The following UQCC1 variants were observed in gnomAD, a reference collection of about 807,000 sequenced individuals.
UQCC1 encodes the protein ubiquinol-cytochrome c reductase complex assembly factor 1, also known as bFGF-repressed Zic-binding protein.
A neutral mutation model predicts 48.0 loss-of-function variants in UQCC1; 38 were observed. That is an observed-to-expected ratio of 0.79 (90% confidence interval 0.61 to 1.04). The LOEUF (loss-of-function observed/expected upper bound fraction) is 1.04. UQCC1 is among the 50% of genes least tolerant of loss of function. The pLI is 0.00. For missense variants in UQCC1, 368 were observed against 381.8 expected, an observed-to-expected ratio of 0.96 and a Z score of 0.30; for synonymous variants, 111 against 129.2, an observed-to-expected ratio of 0.86 and a Z score of 0.95.
intron 1 of UQCC1, among the ~76,000 whole-genome samples, chr20:35,410,716 A>AAAAAAAAAAAAC (rs1370852913): frequency 9.2e-6 from 1 of 108,728 alleles, no homozygotes; most frequent in Non-Finnish European, 1.8e-5. Flanking sequence ...AAAAAAAAAA[A>AAAAAAAAAAAAC]AAAAAAAACA....
intron 4 of UQCC1, among the ~76,000 whole-genome samples, chr20:35,376,906 C>T (rs1007698697): frequency 2.6e-5 from 4 of 151,098 alleles, no homozygotes; most frequent in Non-Finnish European, 4.4e-5. Context: ...GAGCTGAGTG[C>T]GCCACTGCAC....
chr20:35,350,393 T>C (rs185499671), intron 6 of UQCC1, among the ~76,000 whole-genome samples: 3 of 152,292 alleles, frequency 2.0e-5, no homozygotes, highest in African/African-American at 7.2e-5. Flanking sequence ...AACTCGGGTA[T>C]CTGACAGAAG....
chr20:35,387,217 C>T (rs930735072), intron 2 of UQCC1, among the ~76,000 whole-genome samples: 2 of 151,882 alleles, frequency 1.3e-5, no homozygotes, highest in South Asian at 4.2e-4. Flanking sequence ...ACCCAGAAGG[C>T]GGAGGTTACA....
chr20:35,309,760 G>A (rs1172060869), intron 8 of UQCC1, among the ~76,000 whole-genome samples: 3 of 152,206 alleles, frequency 2.0e-5, no homozygotes, highest in African/African-American at 7.2e-5. Context: ...TTCTGATTAA[G>A]GGTTTAAAGT....
intron 1 of UQCC1, among the ~76,000 whole-genome samples, chr20:35,404,135 A>C (rs2062211196): frequency 6.6e-6 from 1 of 152,120 alleles, no homozygotes; most frequent in Non-Finnish European, 1.5e-5. Context: ...TAATCCCAGC[A>C]CTTTGGGAAG....
At chr20:35,325,662 G>A (rs544343982) in intron 7 of UQCC1, among the ~76,000 whole-genome samples, 104 of 152,270 alleles carry the variant, frequency 6.8e-4, no homozygotes, top group African/African-American at 2.1e-3. Flanking sequence ...ACAATCTCAC[G>A]TGGGAGACAC....
At chr20:35,382,162 A>T (rs1181288281) in intron 3 of UQCC1, 137 bp from the exon 4 acceptor site, 1 of 557,390 alleles carries the variant, frequency 1.8e-6, no homozygotes, top group Admixed American at 3.2e-5. Context: ...GCTAAAGTGA[A>T]GTGGCACAAT....
intron 1 of UQCC1, among the ~76,000 whole-genome samples, chr20:35,401,891 C>T (rs944687314): frequency 2.6e-5 from 4 of 151,768 alleles, no homozygotes; most frequent in Admixed American, 6.6e-5. Flanking sequence ...GAACTCCCAA[C>T]CTCAGGTGAT....
chr20:35,353,543 C>A lies in UQCC1; in HGVS notation c.465-6271G>T, dbSNP rs537633071. 1.9e-4 allele frequency among the ~76,000 whole-genome samples: 29 copies of A among 152,164 alleles called. 1 individual carries two copies. Among genetic ancestry groups the A allele is most frequent in the African/African-American group, 6.5e-4 (27 of 41,504 alleles). On this transcript the variant is annotated intron_variant, in intron 6 of 9. Transcript: ENST00000374385. ...TGGTGGCTCACACCTGTAATCCCAGCACTTTGGGAGGCCAAGGTGGGAGGA... is the reference window on the plus strand; with the variant it reads ...TGGTGGCTCACACCTGTAATCCCAGAACTTTGGGAGGCCAAGGTGGGAGGA...
At chr20:35,396,415 C>T (rs1434553348) in intron 1 of UQCC1, among the ~76,000 whole-genome samples, 3 of 150,232 alleles carry the variant, frequency 2.0e-5, no homozygotes, top group African/African-American at 7.4e-5. Context: ...CTCAAGTGAT[C>T]CTCCCACCTC....
intron 4 of UQCC1, among the ~76,000 whole-genome samples, chr20:35,374,984 A>G (rs114961774): frequency 0.013 from 1,955 of 152,284 alleles, 44 homozygotes; most frequent in African/African-American, 0.045. Context: ...ATTATTTAAG[A>G]GTTGACTTAT....
intron 1 of UQCC1, among the ~76,000 whole-genome samples, chr20:35,406,110 T>C (rs2062246769): frequency 6.6e-6 from 1 of 152,028 alleles, no homozygotes; most frequent in Non-Finnish European, 1.5e-5. Context: ...AGAACAAATT[T>C]AACAGCCTCA....
chr20:35,384,179 G>T, intron 2 of UQCC1, 46 bp from the exon 3 acceptor site: 1 of 1,501,922 alleles, frequency 6.7e-7, no homozygotes, highest in Non-Finnish European at 9.2e-7. Flanking sequence ...GCACTTACAG[G>T]GTTAATCTGA....
At chr20:35,381,092 T>C (rs767975498) in intron 4 of UQCC1, among the ~76,000 whole-genome samples, 2 of 152,216 alleles carry the variant, frequency 1.3e-5, no homozygotes, top group Non-Finnish European at 2.9e-5. Context: ...CCAGGGGCAG[T>C]ATGCATCTGA....
chr20:35,344,620 T>C (rs1265351308), intron 7 of UQCC1: 1 of 152,242 alleles, frequency 6.6e-6, no homozygotes, highest in Non-Finnish European at 1.5e-5. Flanking sequence ...AGTTGGGTGG[T>C]AAGTACTTGA....
intron 7 of UQCC1, among the ~76,000 whole-genome samples, chr20:35,318,875 T>C (rs1324225129): frequency 6.6e-6 from 1 of 152,170 alleles, no homozygotes; most frequent in Admixed American, 6.5e-5. Flanking sequence ...ATTCCCTCAT[T>C]TAAGTTTTTG....
chr20:35,367,092 T>TAAAAAAAA lies in UQCC1; in HGVS notation c.407-486_407-479dup, dbSNP rs72469122. Among the ~76,000 whole-genome samples the TAAAAAAAA allele has an allele frequency of 1.2e-4, 12 of 101,726 alleles. 1 individual carries two copies. Among genetic ancestry groups the TAAAAAAAA allele is most frequent in the South Asian group, 3.2e-4 (1 of 3,122 alleles). The allele number at this position is 101,726 out of a possible 152,430, so 66.7% of individuals were successfully genotyped here. On this transcript the variant is annotated intron_variant, in intron 5 of 9. Transcript: ENST00000374385. ...CTGGGCAATAGAGTGAGACTCTGTC[T>TAAAAAAAA]AAAAAAAAAAAAAAAAACAAACAAA...
At chr20:35,410,715 A>AC (rs1568722223) in intron 1 of UQCC1, among the ~76,000 whole-genome samples, 2 of 121,510 alleles carry the variant, frequency 1.6e-5, no homozygotes, top group African/African-American at 6.6e-5. Flanking sequence ...AAAAAAAAAA[A>AC]AAAAAAAAAC....
intron 1 of UQCC1, among the ~76,000 whole-genome samples, chr20:35,402,527 G>A (rs1402036933): frequency 2.6e-5 from 4 of 151,674 alleles, no homozygotes; most frequent in Non-Finnish European, 5.9e-5. Flanking sequence ...GCAGTGAGCT[G>A]AGATCGCACC....
Sources: gnomAD v4.1 joint callset for allele counts (sites outside exome capture counted in the v4.1 genomes callset) on GRCh38, gnomAD v4.1.1 for gene constraint, MANE v1.5 for transcripts, NCBI Gene and HGNC (gene_info 2026-07-23, HGNC 2026-07-21) for gene names.